The following PLXNA4 variants were observed in gnomAD, a reference collection of about 807,000 sequenced individuals.
The protein encoded by PLXNA4 is plexin-A4.
Under a neutral mutation model 191.8 loss-of-function variants are expected in PLXNA4, and 44 were observed. The observed-to-expected ratio is 0.23, with a 90% CI of 0.18 to 0.29. PLXNA4 has a LOEUF of 0.29. Ranked by LOEUF, PLXNA4 falls within the 10% of genes least tolerant of loss-of-function variation. PLXNA4 has a pLI of 1.00. For missense variants in PLXNA4, 1,800 were observed against 2,488.8 expected (o/e 0.72, Z 5.89); for synonymous variants, 1,082 against 1,009.5 (o/e 1.07, Z -1.36).
chr7:132,286,790 G>A (rs953999320), intron 4 of PLXNA4, among the ~76,000 whole-genome samples: 1 of 152,212 alleles, frequency 6.6e-6, no homozygotes, highest in African/African-American at 2.4e-5. Flanking sequence ...CAGAGTTACA[G>A]AGAAAAATCC....
intron 2 of PLXNA4, among the ~76,000 whole-genome samples, chr7:132,642,264 T>C (rs905639505): frequency 2.6e-5 from 4 of 152,172 alleles, no homozygotes; most frequent in African/African-American, 9.6e-5. Flanking sequence ...ATTTCTGTAA[T>C]TAAATATAGT....
intron 21 of PLXNA4, 62 bp from the exon 22 acceptor site, chr7:132,168,634 A>G: frequency 6.6e-7 from 1 of 1,514,054 alleles, no homozygotes; most frequent in South Asian, 1.3e-5. Flanking sequence ...TGACCTCCCC[A>G]CGGGATGGCT....
rs2671109 is a variant in PLXNA4 at position 132,148,014 on chromosome 7, C to T, written c.4765-15G>A. 12,384 of 1,614,054 alleles carry T rather than the reference C, an allele frequency of 7.7e-3. 788 individuals carry two copies. In the African/African-American group the frequency reaches 0.14, roughly 19 times the overall value. ...CCATCTGGCACCTACAGGGAAAAAG[C>T]TTCTCAGGGCCTAGGCACAGCAGCT... is the stretch of plus-strand genomic sequence containing the variant. On this transcript the variant is annotated splice_polypyrimidine_tract_variant and intron_variant, in intron 26 of 31. Coordinates refer to ENST00000321063, the MANE Select transcript of PLXNA4 (RefSeq NM_020911.2).
chr7:132,489,193 C>A, intron 3 of PLXNA4, 99 bp downstream of exon 3: 2 of 1,280,188 alleles, frequency 1.6e-6, no homozygotes, highest in Non-Finnish European at 2.2e-6. Context: ...GTATCACCTG[C>A]CCACACGCCC....
chr7:132,263,306 A>G (rs908382841), intron 4 of PLXNA4, among the ~76,000 whole-genome samples: 3 of 152,082 alleles, frequency 2.0e-5, no homozygotes, highest in African/African-American at 7.2e-5. Context: ...CATGCCATCC[A>G]CACTCACCAC....
At position 132,128,648 on chromosome 7, in the gene PLXNA4, G is replaced by GCTCACACACATGTA. The variant is rs1470977652; in HGVS notation, c.*1830_*1831insTACATGTGTGTGAG. The GCTCACACACATGTA allele has an allele frequency of 1.6e-4, 24 of 152,242 alleles. 3 individuals are homozygous for GCTCACACACATGTA. The highest frequency in any genetic ancestry group is 5.5e-4 in the African/African-American group (23 of 41,484). 9.4% of individuals were successfully genotyped at this position (152,242 alleles called of 1,614,324 possible). On this transcript the variant is annotated 3_prime_UTR_variant, in exon 32 of 32. Coordinates refer to ENST00000321063, the MANE Select transcript of PLXNA4 (RefSeq NM_020911.2). ...CACATACATGTGCTCACACACATGT[G>GCTCACACACATGTA]CACATATTCATATCCAAAGGGGCAA...
At chr7:132,435,859 C>A (rs1377665689) in intron 3 of PLXNA4, among the ~76,000 whole-genome samples, 2 of 152,346 alleles carry the variant, frequency 1.3e-5, no homozygotes, top group Non-Finnish European at 2.9e-5. Context: ...CCAAGGATAA[C>A]CCCTGTGAGG....
chr7:132,133,510 C>T (rs532473603), intron 30 of PLXNA4, among the ~76,000 whole-genome samples: 1 of 152,256 alleles, frequency 6.6e-6, no homozygotes, highest in African/African-American at 2.4e-5. Flanking sequence ...CTCTCAGCTA[C>T]CACACAGAGA....
rs576928140 is a variant in PLXNA4 at position 132,203,179 on chromosome 7, G to T, written c.2395+144C>A. On this transcript the variant is annotated intron_variant, in intron 11 of 31. Transcript: ENST00000321063. Reference sequence around the variant, plus strand: ...ACCTAGAAGCACAGATGGTGGAGAGGCTGTGAAGGAGGGGCTCAGAGGGAG... The same window carrying T: ...ACCTAGAAGCACAGATGGTGGAGAGTCTGTGAAGGAGGGGCTCAGAGGGAG... The T allele has an allele frequency of 3.6e-5, 26 of 719,566 alleles. No homozygotes were observed. In the African/African-American group the frequency reaches 4.6e-4, roughly 13 times the overall value. 44.6% of individuals were successfully genotyped at this position (719,566 alleles called of 1,614,324 possible).
intron 1 of PLXNA4, among the ~76,000 whole-genome samples, chr7:132,526,042 A>T (rs1799387830): frequency 6.6e-6 from 1 of 152,212 alleles, no homozygotes; most frequent in South Asian, 2.1e-4. Flanking sequence ...CCATTCCTCA[A>T]GGCACTTTCA....
intron 3 of PLXNA4, among the ~76,000 whole-genome samples, chr7:132,458,627 C>T (rs1057235971): frequency 1.3e-5 from 2 of 151,428 alleles, no homozygotes; most frequent in African/African-American, 4.9e-5. Context: ...CACATCTGTG[C>T]CATGAGAGGT....
In PLXNA4 at chr7:132,164,211, G is replaced by A. The variant is rs1427776480; in HGVS notation, c.4431C>T (p.Ile1477=). 1 of 1,614,258 alleles carries A rather than the reference G, an allele frequency of 6.2e-7. No homozygotes were observed. Among genetic ancestry groups the A allele is most frequent in the Non-Finnish European group, 8.5e-7 (1 of 1,180,056 alleles). The change falls in exon 24 of 32, where the codon ATC becomes ATT. Residue 1477 remains isoleucine (I), a synonymous_variant. Coordinates refer to ENST00000321063, the MANE Select transcript of PLXNA4 (RefSeq NM_020911.2). ...TCAAGGAGTAGCGGGCCTCGCCCGT[G>A]ATGGCGTCAATGGGGCCCTTCTCCA... ...QQMEKGPIDA[I]TGEARYSLSE...
chr7:132,503,527 G>T (rs1033128510), intron 2 of PLXNA4, among the ~76,000 whole-genome samples: 1 of 152,152 alleles, frequency 6.6e-6, no homozygotes, highest in Non-Finnish European at 1.5e-5. Context: ...AGGACAGACA[G>T]CCATCACCTT....
At chr7:132,180,760 C>A in intron 18 of PLXNA4, 28 bp from the exon 19 acceptor site, 1 of 1,598,336 alleles carries the variant, frequency 6.3e-7, no homozygotes, top group Non-Finnish European at 8.6e-7. Context: ...CACCAGTTCC[C>A]ACCCCAGAGT....
At chr7:132,479,764 C>T (rs1797268148) in intron 3 of PLXNA4, among the ~76,000 whole-genome samples, 1 of 152,146 alleles carries the variant, frequency 6.6e-6, no homozygotes, top group Non-Finnish European at 1.5e-5. Context: ...ATTCTCCTGC[C>T]TCAGCCTCTG....
chr7:132,600,414 A>T (rs187905358), intron 2 of PLXNA4, among the ~76,000 whole-genome samples: 8 of 152,262 alleles, frequency 5.3e-5, no homozygotes, highest in Admixed American at 3.9e-4. Flanking sequence ...CCCCAGCTGG[A>T]GTGCAGTGGT....
At position 132,576,068 on chromosome 7, in the gene PLXNA4, GA is replaced by G. The variant is rs558284438; in HGVS notation, c.-87+353del. On this transcript the variant is annotated intron_variant, in intron 1 of 31. Coordinates refer to ENST00000321063, the MANE Select transcript of PLXNA4 (RefSeq NM_020911.2). The surrounding 1 kb of genome is among the most constrained non-coding windows in gnomAD (Gnocchi z 5.8). ...CTAGGGACGAAAGGGGCTGGGAGCT[GA>G]AAAATTGCTCCCTCAACCTCCCCGG... is the stretch of plus-strand genomic sequence containing the variant. Among the ~76,000 whole-genome samples the G allele has an allele frequency of 9.9e-5, 15 of 152,278 alleles. No individual in the cohort carries two copies. The South Asian group carries it at 3.1e-3, about 32-fold the overall frequency.
At chr7:132,545,875 T>C (rs1046681093) in intron 1 of PLXNA4, among the ~76,000 whole-genome samples, 2 of 152,078 alleles carry the variant, frequency 1.3e-5, no homozygotes, top group African/African-American at 4.8e-5. Flanking sequence ...CTGCAGGAGG[T>C]GGCTGGGTGT....
intron 1 of PLXNA4, among the ~76,000 whole-genome samples, chr7:132,559,955 C>T (rs1040038326): frequency 7.2e-5 from 11 of 152,168 alleles, no homozygotes; most frequent in African/African-American, 2.7e-4. Flanking sequence ...TGGAGAGGGG[C>T]TGCCCCACCT....
Sources: gnomAD v4.1 joint callset for allele counts (sites outside exome capture counted in the v4.1 genomes callset) on GRCh38, gnomAD v4.1.1 for gene constraint, Gnocchi (gnomAD v3.1) non-coding constraint, MANE v1.5 for transcripts, NCBI Gene and HGNC (gene_info 2026-07-23, HGNC 2026-07-21) for gene names.